The following ZNF669 variants were observed in gnomAD, a reference collection of about 807,000 sequenced individuals.
ZNF669 encodes zinc finger protein 669.
A neutral mutation model predicts 11.4 loss-of-function variants in ZNF669; 7 were observed. The ratio of observed to expected loss-of-function variants is 0.62; its 90% CI spans 0.35 to 1.16. The LOEUF (loss-of-function observed/expected upper bound fraction) is 1.16. ZNF669 is among the 50% of genes most tolerant of loss of function. ZNF669 has a pLI of 0.02. For synonymous variants in ZNF669, 153 were observed against 155.8 expected (o/e 0.98, Z 0.13); for missense variants, 492 against 463.6 (o/e 1.06, Z -0.56).
At position 247,100,480 on chromosome 1, in the gene ZNF669, G is replaced by C. The variant is rs769331459; in HGVS notation, c.1031C>G (p.Ser344Cys). ...CKKCGKAYTR[S>C]SHLTRHERSH... ...TCTTTCATGGCGAGTAAGGTGACTG[G>C]AACGAGTGTAGGCTTTACCGCATTT... Residue 344 changes from serine (S) to cysteine (C), a missense_variant, in exon 4 of 4, where the codon TCC becomes TGC. Physicochemically the swap from Ser to Cys is moderately radical, Grantham distance 112. Coordinates refer to ENST00000448299, the MANE Select transcript of ZNF669 (RefSeq NM_001142572.2). 14 of 1,614,228 alleles carry C rather than the reference G, an allele frequency of 8.7e-6. No individual in the cohort carries two copies. The highest frequency in any genetic ancestry group is 1.2e-5 in the Non-Finnish European group (14 of 1,180,042).
chr1:247,102,223 T>C, intron 1 of ZNF669, 110 bp from the exon 2 acceptor site: 1 of 1,312,014 alleles, frequency 7.6e-7, no homozygotes, highest in South Asian at 1.5e-5. Flanking sequence ...CAAGCATTTA[T>C]TCTATGACTT....
At chr1:247,103,907 C>T in intron 1 of ZNF669, 10 of 1,564,170 alleles carry the variant, frequency 6.4e-6, no homozygotes, top group East Asian at 2.3e-5. Context: ...TCGGGGCTCT[C>T]CCGCATCACC....
At position 247,100,641 on chromosome 1, in the gene ZNF669, G is replaced by A; in HGVS notation, c.870C>T (p.Ser290=). The change falls in exon 4 of 4, where the codon TCC becomes TCT. Residue 290 remains serine (S), a synonymous_variant. Transcript: ENST00000448299. ...QCGKAFSRLS[S]LCNHRSTHTG... is the part of the protein sequence containing the mutation. ...TATGAGTACTTCTATGGTTACAAAG[G>A]GAACTCAAACGACTAAAGGCTTTGC... 1 of 1,613,944 alleles carries A rather than the reference G, an allele frequency of 6.2e-7. No homozygotes were observed. Among genetic ancestry groups the A allele is most frequent in the Non-Finnish European group, 8.5e-7 (1 of 1,179,894 alleles).
In ZNF669 at chr1:247,101,885, A is replaced by G; in HGVS notation, c.131-94T>C. 1.9e-6 allele frequency: 3 copies of G among 1,602,850 alleles called. No homozygotes were observed. The South Asian group carries it at 3.3e-5, about 18-fold the overall frequency. On this transcript the variant is annotated intron_variant, in intron 2 of 3. Coordinates refer to ENST00000448299, the MANE Select transcript of ZNF669 (RefSeq NM_001142572.2). The stretch of plus-strand genomic sequence containing the variant: ...TCACTGTACACAGTGCCCATGCCTG[A>G]TTTATTCACCAAATCATTCCCTTGC...
Position 247,100,652 on chromosome 1 carries a change from G to A in ZNF669, c.859C>T (p.Arg287Cys), listed in dbSNP as rs753334778. Reference sequence around the variant, plus strand: ...CTATGGTTACAAAGGGAACTCAAACGACTAAAGGCTTTGCCACATTGTTTA... The same window carrying A: ...CTATGGTTACAAAGGGAACTCAAACAACTAAAGGCTTTGCCACATTGTTTA... ...ECKQCGKAFS[R>C]LSSLCNHRST... The change falls in exon 4 of 4, where the codon CGT becomes TGT. Residue 287 changes from arginine (R) to cysteine (C), a missense_variant. Coordinates refer to ENST00000448299, the MANE Select transcript of ZNF669 (RefSeq NM_001142572.2). 5.0e-6 allele frequency: 8 copies of A among 1,613,936 alleles called. No homozygotes were observed. Among genetic ancestry groups the A allele is most frequent in the South Asian group, 2.2e-5 (2 of 91,082 alleles).
Position 247,100,391 on chromosome 1 carries a change from C to T in ZNF669, c.1120G>A (p.Gly374Ser), listed in dbSNP as rs7533935. 1,487 of 1,606,056 alleles carry T rather than the reference C, an allele frequency of 9.3e-4. 14 individuals carry two copies. The African/African-American group carries it at 0.016, about 17-fold the overall frequency. Residue 374 changes from glycine to serine, a missense_variant, in exon 4 of 4, where the codon GGC becomes AGC. Physicochemically the swap from Gly to Ser is moderately conservative, Grantham distance 56. Transcript: ENST00000448299. ...AYNPSTLGGQ[G>S]VWIA is the part of the protein sequence containing the mutation. ...TCCTGGGCTCAAGCAATCCACACGC[C>T]TTGGCCTCCCAAAGTGCTGGGATTA...
chr1:247,103,960 T>C, intron 1 of ZNF669: 2 of 1,601,304 alleles, frequency 1.2e-6, no homozygotes, highest in Non-Finnish European at 1.7e-6. Context: ...AGGCGAGGGG[T>C]TCCCGACAGG....
chr1:247,100,982 T>C lies in ZNF669; in HGVS notation c.529A>G (p.Asn177Asp). The change falls in exon 4 of 4, where the codon AAT becomes GAT. Residue 177 changes from asparagine (N) to aspartate (D), a missense_variant. Asn to Asp is a conservative substitution (Grantham distance 23). Transcript: ENST00000448299. ...GTTCTCTGATGTCTTTCAACTGAATTGAGAAAATAAAAAGCTTTCCCACAT... is the reference window on the plus strand; with the variant it reads ...GTTCTCTGATGTCTTTCAACTGAATCGAGAAAATAAAAAGCTTTCCCACAT... ...TICGKAFYFLNSVERHQRTHT... is the reference protein window; with the variant it reads ...TICGKAFYFLDSVERHQRTHT... 6.2e-7 allele frequency: 1 copy of C among 1,613,230 alleles called. No individual in the cohort carries two copies. The highest frequency in any genetic ancestry group is 8.5e-7 in the Non-Finnish European group (1 of 1,179,850).
chr1:247,100,439 C>G lies in ZNF669; in HGVS notation c.1072G>C (p.Ala358Pro). The change falls in exon 4 of 4, where the codon GCT (alanine) becomes CCT (proline). Residue 358 changes from alanine to proline, a missense_variant. By Grantham distance (27) the Ala-to-Pro change is conservative (BLOSUM62 -1). Coordinates refer to ENST00000448299, the MANE Select transcript of ZNF669 (RefSeq NM_001142572.2). ...TRHERSHDIE[A>P]GCSDSAYNPS... ...TTATAGGCTGAGTCACTACACCCAG[C>G]CTCTATATCATGACTTCTTTCATGG... 2 of 1,614,196 alleles carry G rather than the reference C, an allele frequency of 1.2e-6. No individual in the cohort carries two copies. Among genetic ancestry groups the G allele is most frequent in the Non-Finnish European group, 1.7e-6 (2 of 1,180,036 alleles).
Position 247,101,232 on chromosome 1 carries a change from G to A in ZNF669, c.279C>T (p.Asn93=), listed in dbSNP as rs771604590. The change falls in exon 4 of 4, where the codon AAC becomes AAT. Residue 93 remains asparagine, a synonymous_variant. Transcript: ENST00000448299. The part of the protein sequence containing the change: ...VVSQIPNLDL[N]ENISTGLKPC... ...GTTTTAATCCAGTAGAAATGTTCTC[G>A]TTCAGATCAAGATTTGGAATTTGGC... 1.7e-5 allele frequency: 27 copies of A among 1,613,536 alleles called. No homozygotes were observed. Among genetic ancestry groups the A allele is most frequent in the Middle Eastern group, 3.3e-4 (2 of 6,078 alleles).
rs748014111 is a variant in ZNF669 at position 247,100,999 on chromosome 1, T to G, written c.512A>C (p.Lys171Thr). Residue 171 changes from lysine to threonine, a missense_variant, in exon 4 of 4, where the codon AAA becomes ACA. By Grantham distance (78) the Lys-to-Thr change is moderately conservative (BLOSUM62 -1). Coordinates refer to ENST00000448299, the MANE Select transcript of ZNF669 (RefSeq NM_001142572.2). ...AACTGAATTGAGAAAATAAAAAGCT[T>G]TCCCACATATCGTACATTTATAAGC... ...NPAYKCTICG[K>T]AFYFLNSVER... 6.2e-7 allele frequency: 1 copy of G among 1,613,440 alleles called. No homozygotes were observed. The highest frequency in any genetic ancestry group is 1.1e-5 in the South Asian group (1 of 90,922).
rs1196391707 is a variant in ZNF669 at position 247,100,948 on chromosome 1, C to A, written c.563G>T (p.Gly188Val). 6.2e-7 allele frequency: 1 copy of A among 1,613,418 alleles called. No homozygotes were observed. The highest frequency in any genetic ancestry group is 1.7e-5 in the Admixed American group (1 of 59,906). The change falls in exon 4 of 4, where the codon GGA becomes GTA. Residue 188 changes from glycine (G) to valine (V), a missense_variant. Physicochemically the swap from Gly to Val is moderately radical, Grantham distance 109. Transcript: ENST00000448299. ...TTGTTTACATTTATAGGGTTTTTCT[C>A]CTGTGTGAGTTCTCTGATGTCTTTC... is the stretch of plus-strand genomic sequence containing the variant. Reference protein sequence around the residue: ...SVERHQRTHTGEKPYKCKQCG... With the variant: ...SVERHQRTHTVEKPYKCKQCG...
Position 247,101,337 on chromosome 1 carries a change from G to A in ZNF669, c.192-18C>T, listed in dbSNP as rs1428701891. 6.5e-7 allele frequency: 1 copy of A among 1,532,082 alleles called. No homozygotes were observed. Among genetic ancestry groups the A allele is most frequent in the African/African-American group, 1.4e-5 (1 of 72,508 alleles). 94.9% of individuals were successfully genotyped at this position (1,532,082 alleles called of 1,614,324 possible). A position where few individuals can be genotyped will look rare whatever the true frequency, so the allele number is the denominator to read the frequency against. ...TATGATTTCTGTAAAAAAATGACAA[G>A]CACATTATTATTGGTTGGTTTATTA... On this transcript the variant is annotated intron_variant, in intron 3 of 3. Transcript: ENST00000448299.
At chr1:247,101,840 C>A (rs776822224) in intron 2 of ZNF669, 49 bp from the exon 3 acceptor site, 1 of 1,605,648 alleles carries the variant, frequency 6.2e-7, no homozygotes, top group Non-Finnish European at 8.5e-7. Flanking sequence ...AAACTGTAGA[C>A]ACATTACTAG....
In ZNF669 at chr1:247,100,605, T is replaced by TACTTCA; in HGVS notation, c.905_906insTGAAGT (p.Lys302delinsAsnGluVal). 6.2e-7 allele frequency: 1 copy of TACTTCA among 1,614,176 alleles called. No homozygotes were observed. The highest frequency in any genetic ancestry group is 1.7e-5 in the Admixed American group (1 of 60,022). ...GATCACATTGTTTACATTCATAGGGTTTCTCTCCGGTATGAGTACTTCTAT... is the reference window on the plus strand; with the variant it reads ...GATCACATTGTTTACATTCATAGGGTACTTCATTCTCTCCGGTATGAGTACTTCTAT... On this transcript the variant is annotated protein_altering_variant, in exon 4 of 4. Transcript: ENST00000448299.
In ZNF669 at chr1:247,101,161, A is replaced by G; in HGVS notation, c.350T>C (p.Leu117Pro). The change falls in exon 4 of 4, where the codon CTC (leucine) becomes CCC (proline). Residue 117 changes from leucine to proline, a missense_variant. Physicochemically the swap from Leu to Pro is moderately conservative, Grantham distance 98 (BLOSUM62 -3). Coordinates refer to ENST00000448299, the MANE Select transcript of ZNF669 (RefSeq NM_001142572.2). ...GTGAGCTAGGATATGCCTATTAAGG[A>G]GGGAATGACGTACAAAGACTTTTCC... is the stretch of plus-strand genomic sequence containing the variant. The part of the protein sequence containing the change: ...ICGKVFVRHS[L>P]LNRHILAHSG... The G allele has an allele frequency of 6.2e-7, 1 of 1,614,118 alleles. No homozygotes were observed. The highest frequency in any genetic ancestry group is 1.7e-5 in the Admixed American group (1 of 60,032).
At position 247,100,753 on chromosome 1, in the gene ZNF669, CA is replaced by C; in HGVS notation, c.757del (p.Cys253ValfsTer36). On this transcript the variant is annotated frameshift_variant, in exon 4 of 4. Coordinates refer to ENST00000448299, the MANE Select transcript of ZNF669 (RefSeq NM_001142572.2). LOFTEE classifies it low-confidence loss of function (END_TRUNC). ...TGERPYKCTK[C>X]DKAFSCSTSL... ...AGTGGAACAGCTGAAGGCTTTATCA[CA>C]TTTGGTACATTTATAGGGTCTTTCT... 6.2e-7 allele frequency: 1 copy of C among 1,614,124 alleles called. No homozygotes were observed. Among genetic ancestry groups the C allele is most frequent in the Non-Finnish European group, 8.5e-7 (1 of 1,180,000 alleles).
In ZNF669 at chr1:247,102,072, C is replaced by T. The variant is rs1467239647; in HGVS notation, c.45G>A (p.Gln15=). ...AAGAATCTAGCAAAGCCCATTCCTCCTGGGTAAAGTTCACAGCCACATCCT... is the reference window on the plus strand; with the variant it reads ...AAGAATCTAGCAAAGCCCATTCCTCTTGGGTAAAGTTCACAGCCACATCCT... The part of the protein sequence containing the change: ...AFEDVAVNFT[Q]EEWALLDSSQ... The change falls in exon 2 of 4, where the codon CAG becomes CAA. Residue 15 remains glutamine (Q), a synonymous_variant. Coordinates refer to ENST00000448299, the MANE Select transcript of ZNF669 (RefSeq NM_001142572.2). 5 of 1,612,846 alleles carry T rather than the reference C, an allele frequency of 3.1e-6. No homozygotes were observed. In the African/African-American group the frequency reaches 4.0e-5, roughly 13 times the overall value.
In ZNF669 at chr1:247,100,558, G is replaced by C. The variant is rs1671697815; in HGVS notation, c.953C>G (p.Ser318Cys). 2 of 1,614,212 alleles carry C rather than the reference G, an allele frequency of 1.2e-6. No individual in the cohort carries two copies. Among genetic ancestry groups the C allele is most frequent in the African/African-American group, 1.3e-5 (1 of 75,042 alleles). ...QCDQAFSRLS[S>C]LHLHERIHTG... Reference sequence around the variant, plus strand: ...ATGAATTCTTTCGTGGAGGTGAAGGGAACTGAGGCGACTGAAGGCTTGATC... The same window carrying C: ...ATGAATTCTTTCGTGGAGGTGAAGGCAACTGAGGCGACTGAAGGCTTGATC... Residue 318 changes from serine to cysteine, a missense_variant, in exon 4 of 4, where the codon TCC (serine) becomes TGC (cysteine). Ser to Cys is a moderately radical substitution (Grantham distance 112, BLOSUM62 -1). Transcript: ENST00000448299.
Sources: gnomAD v4.1 joint callset for allele counts on GRCh38, gnomAD v4.1.1 for gene constraint, MANE v1.5 for transcripts, NCBI Gene and HGNC (gene_info 2026-07-23, HGNC 2026-07-21) for gene names.